Variants in CRLF3 observed in about 807,000 individuals in gnomAD.
CRLF3 encodes the protein cytokine receptor like factor 3.
In CRLF3, 33 loss-of-function variants were observed where a neutral mutation model predicts 55.0. The ratio of observed to expected loss-of-function variants is 0.60; its 90% confidence interval spans 0.46 to 0.80. The LOEUF (loss-of-function observed/expected upper bound fraction) is 0.80, where lower values mean the gene tolerates loss of function less well. CRLF3 is among the 30% of genes least tolerant of loss of function. The pLI is 0.00. For missense variants in CRLF3, 494 were observed against 538.4 expected (o/e 0.92, Z 0.82); for synonymous variants, 238 against 196.8 (o/e 1.21, Z -1.75).
rs780880303 is a variant in CRLF3, at chr17:30,784,347, C to A, written c.1169G>T (p.Gly390Val). The A allele has an allele frequency of 3.7e-6, 6 of 1,614,048 alleles. No individual in the cohort carries two copies. The highest frequency in any genetic ancestry group is 5.1e-6 in the Non-Finnish European group (6 of 1,179,934). ...VTFDIEAVTL[G>V]TTSNNEGGHF... is the part of the protein sequence containing the mutation. ...TCCACCTTCATTATTACTGGTGGTT[C>A]CTAGAGTCACGGCTTCAATGTCAAA... The change falls in exon 8 of 8, where the codon GGA becomes GTA. Residue 390 changes from glycine (G) to valine (V), a missense_variant. Transcript: ENST00000324238.
Position 30,793,676 on chromosome 17 carries a change from G to A in CRLF3, c.604-4C>T, listed in dbSNP as rs756400683. 3.1e-6 allele frequency: 5 copies of A among 1,599,310 alleles called. No homozygotes were observed. In the Admixed American group the frequency reaches 5.1e-5, roughly 16 times the overall value. On this transcript the variant is annotated splice_polypyrimidine_tract_variant and splice_region_variant and intron_variant, in intron 4 of 7. Transcript: ENST00000324238. Reference sequence around the variant, plus strand: ...GGGCTGTAAAGTCATCATCCACCTAGGGAGAAAAGCTTTATGTTAGGTAAA... The same window carrying A: ...GGGCTGTAAAGTCATCATCCACCTAAGGAGAAAAGCTTTATGTTAGGTAAA...
intron 1 of CRLF3, among the ~76,000 whole-genome samples, chr17:30,806,081 A>C (rs911844017): frequency 1.3e-5 from 2 of 152,146 alleles, no homozygotes; most frequent in African/African-American, 4.8e-5. Flanking sequence ...ACTCATGGAT[A>C]AAATGCCCTC....
At chr17:30,814,960 G>A (rs542324785) in intron 1 of CRLF3, among the ~76,000 whole-genome samples, 9 of 151,884 alleles carry the variant, frequency 5.9e-5, no homozygotes, top group Middle Eastern at 3.4e-3. Context: ...CCAATATTGC[G>A]CCATTGCACT....
At chr17:30,822,156 C>G (rs1039707909) in intron 1 of CRLF3, among the ~76,000 whole-genome samples, 1 of 151,960 alleles carries the variant, frequency 6.6e-6, no homozygotes, top group East Asian at 1.9e-4. Flanking sequence ...ATCCCTTCCT[C>G]TCTGCTCTTC....
chr17:30,814,740 G>A (rs187740929), intron 1 of CRLF3, among the ~76,000 whole-genome samples: 258 of 152,096 alleles, frequency 1.7e-3, no homozygotes, highest in Admixed American at 3.0e-3. Flanking sequence ...GGTGGCTCAT[G>A]CCTGTAATCC....
intron 1 of CRLF3, among the ~76,000 whole-genome samples, chr17:30,818,050 T>G (rs1352670294): frequency 1.3e-5 from 2 of 151,110 alleles, no homozygotes; most frequent in African/African-American, 4.9e-5. Context: ...TCACCTGAGG[T>G]CAGGAGTTTG....
rs138954116 is a variant in CRLF3, at chr17:30,798,308, A to G, written c.338-910T>C. Among the ~76,000 whole-genome samples the G allele has an allele frequency of 8.7e-3, 1,327 of 151,844 alleles. 19 individuals are homozygous for G. Among genetic ancestry groups the G allele is most frequent in the African/African-American group, 0.03 (1,250 of 41,420 alleles). ...CAGGAGAATCACTTGAATCCGGGACATGGAGGTTGCAGTGAGCCGAGATCA... is the reference window on the plus strand; with the variant it reads ...CAGGAGAATCACTTGAATCCGGGACGTGGAGGTTGCAGTGAGCCGAGATCA... On this transcript the variant is annotated intron_variant, in intron 2 of 7. Coordinates refer to ENST00000324238, the MANE Select transcript of CRLF3 (RefSeq NM_015986.4).
At chr17:30,787,853 T>C (rs547449114) in intron 6 of CRLF3, 6 of 151,736 alleles carry the variant, frequency 4.0e-5, no homozygotes, top group African/African-American at 1.5e-4. Flanking sequence ...ATACAAAAAT[T>C]AGCTGGGTGT....
rs764765797 is a variant in CRLF3, at chr17:30,797,493, C to T, written c.338-95G>A. On this transcript the variant is annotated intron_variant, in intron 2 of 7. Transcript: ENST00000324238. ...TCTGGGTGGGTCTCTAGCGTTCTTG[C>T]AAATAAGTTCTTAAGTGATGCCACA... 3.1e-6 allele frequency: 3 copies of T among 954,820 alleles called. No individual in the cohort carries two copies. The South Asian group carries it at 4.1e-5, about 13-fold the overall frequency. 59.1% of individuals were successfully genotyped at this position (954,820 alleles called of 1,614,324 possible).
At chr17:30,792,377 T>C (rs559611869) in intron 6 of CRLF3, 63 bp downstream of exon 6, 1 of 1,469,020 alleles carries the variant, frequency 6.8e-7, no homozygotes, top group Non-Finnish European at 9.4e-7. Context: ...TCAAAGCTTA[T>C]GTATGCTCTA....
intron 7 of CRLF3, 120 bp from the exon 8 acceptor site, chr17:30,784,563 G>T: frequency 1.2e-6 from 1 of 835,662 alleles, no homozygotes; most frequent in Non-Finnish European, 1.9e-6. Context: ...AATCTGGAAT[G>T]CCAACTGGAC....
chr17:30,820,248 AGAG>A (rs1394567209), intron 1 of CRLF3, among the ~76,000 whole-genome samples: 6 of 152,240 alleles, frequency 3.9e-5, no homozygotes, highest in African/African-American at 1.4e-4. Flanking sequence ...CTTAACCACA[AGAG>A]GAGAAACTGC....
intron 1 of CRLF3, 115 bp downstream of exon 1, chr17:30,824,408 T>C: frequency 1.2e-5 from 12 of 993,164 alleles, no homozygotes; most frequent in South Asian, 5.8e-5. Context: ...AATGAATGCC[T>C]CTTCCCTACT....
intron 7 of CRLF3, among the ~76,000 whole-genome samples, chr17:30,785,680 G>A (rs993958633): frequency 3.3e-5 from 5 of 151,908 alleles, no homozygotes; most frequent in African/African-American, 2.4e-5. Context: ...TACTCAGGAG[G>A]CTGAAGTGGG....
At chr17:30,798,691 T>C (rs1294031255) in intron 2 of CRLF3, among the ~76,000 whole-genome samples, 4 of 151,722 alleles carry the variant, frequency 2.6e-5, no homozygotes, top group African/African-American at 9.7e-5. Flanking sequence ...ATACAAAAAG[T>C]AGCTGGGCAT....
chr17:30,796,546 C>T (rs1971921431), intron 3 of CRLF3, among the ~76,000 whole-genome samples: 1 of 152,004 alleles, frequency 6.6e-6, no homozygotes, highest in South Asian at 2.1e-4. Context: ...CATAACTGTC[C>T]AGTTTAAGCC....
rs1904528520 is a variant in CRLF3 at position 30,809,088 on chromosome 17, G to C, written c.130-4980C>G. On this transcript the variant is annotated intron_variant, in intron 1 of 7. Coordinates refer to ENST00000324238, the MANE Select transcript of CRLF3 (RefSeq NM_015986.4). ...GCATACACAGGAAGTGCATTGGTTA[G>C]GTAAAGTCAATTTCCTCTTCAGAAA... is the stretch of plus-strand genomic sequence containing the variant. Among the ~76,000 whole-genome samples, 3 of 152,292 alleles carry C rather than the reference G, an allele frequency of 2.0e-5. 1 individual carries two copies. The Middle Eastern group carries it at 0.01, about 518-fold the overall frequency.
At chr17:30,807,867 C>T (rs1904466443) in intron 1 of CRLF3, among the ~76,000 whole-genome samples, 1 of 152,020 alleles carries the variant, frequency 6.6e-6, no homozygotes, top group South Asian at 2.1e-4. Flanking sequence ...AATATTTATG[C>T]AGTTAGTAAA....
chr17:30,793,720 C>G, intron 4 of CRLF3, 48 bp from the exon 5 acceptor site: 1 of 1,345,604 alleles, frequency 7.4e-7, no homozygotes, highest in Non-Finnish European at 1.0e-6. Flanking sequence ...AATGACTTCT[C>G]TCAGCATCAC....
Sources: allele counts gnomAD v4.1 joint callset (sites outside exome capture counted in the v4.1 genomes callset), GRCh38; gene constraint gnomAD v4.1.1; transcripts MANE v1.5; gene names NCBI Gene and HGNC (gene_info 2026-07-23, HGNC 2026-07-21).